RUBCN: variants seen among roughly 807,000 people sequenced by gnomAD.
The protein encoded by RUBCN is rubicon autophagy regulator, also known as run domain Beclin-1-interacting and cysteine-rich domain-containing protein.
In RUBCN, 74 loss-of-function variants were observed where a neutral mutation model predicts 113.2. That is an observed-to-expected ratio of 0.65 (90% CI 0.54 to 0.79). RUBCN has a LOEUF of 0.79. Among genes scored for constraint, RUBCN ranks in the 30% least tolerant of loss-of-function variants. The pLI is 0.00. For synonymous variants in RUBCN, 480 were observed against 490.0 expected, an observed-to-expected ratio of 0.98 and a Z score of 0.27; for missense variants, 1,109 against 1,251.7, an observed-to-expected ratio of 0.89 and a Z score of 1.72.
intron 1 of RUBCN, among the ~76,000 whole-genome samples, chr3:197,732,647 A>G (rs2109004704): frequency 6.6e-6 from 1 of 152,280 alleles, no homozygotes; most frequent in Non-Finnish European, 1.5e-5. Flanking sequence ...CCTCAAAATA[A>G]CTGGCATTTA....
upstream of RUBCN, among the ~76,000 whole-genome samples, chr3:197,738,387 A>G (rs932630958): frequency 6.6e-6 from 1 of 152,262 alleles, no homozygotes. Context: ...TTAAAATAAT[A>G]TATGGCTTTT....
chr3:197,700,121 G>A (rs1723475829), intron 7 of RUBCN, among the ~76,000 whole-genome samples: 1 of 152,112 alleles, frequency 6.6e-6, no homozygotes, highest in Admixed American at 6.5e-5. Flanking sequence ...TGATGCGGCC[G>A]TCAGCCCCAC....
intron 1 of RUBCN, among the ~76,000 whole-genome samples, chr3:197,730,962 G>A (rs1727379051): frequency 7.5e-6 from 1 of 134,050 alleles, no homozygotes; most frequent in African/African-American, 2.9e-5. Flanking sequence ...TCTGCTCAGT[G>A]CGGGCATTAT....
rs1560386923 is a variant in RUBCN at position 197,671,633 on chromosome 3, A to T, written c.*3385T>A. 1 of 152,142 alleles carries T rather than the reference A, an allele frequency of 6.6e-6. No homozygotes were observed. The highest frequency in any genetic ancestry group is 6.5e-5 in the Admixed American group (1 of 15,270). 9.4% of individuals were successfully genotyped at this position (152,142 alleles called of 1,614,324 possible). ...AGATGACAAGGGGACATTTAAGGGG[A>T]AATGTTGAGAGAGTTGCAGCGTAGA... On this transcript the variant is annotated 3_prime_UTR_variant, in exon 20 of 20. Transcript: ENST00000296343.
rs143707421 is a variant in RUBCN at position 197,695,810 on chromosome 3, C to T, written c.1473+56G>A. On this transcript the variant is annotated intron_variant, in intron 9 of 19. Transcript: ENST00000296343. The stretch of plus-strand genomic sequence containing the variant: ...TCATCAGAACAAATGGCACCACAGA[C>T]CTTCAGACCCAATCTCCCAACTCAT... 8,973 of 1,484,252 alleles carry T rather than the reference C, an allele frequency of 6.0e-3. 60 individuals carry two copies. Among genetic ancestry groups the T allele is most frequent in the South Asian group, 0.019 (1,663 of 88,510 alleles). 91.9% of individuals were successfully genotyped at this position (1,484,252 alleles called of 1,614,324 possible).
chr3:197,702,423 G>C (rs1318097820), intron 5 of RUBCN, among the ~76,000 whole-genome samples: 1 of 152,206 alleles, frequency 6.6e-6, no homozygotes, highest in African/African-American at 2.4e-5. Flanking sequence ...AGCACTTTGG[G>C]AGGCCAAGGC....
Position 197,681,676 on chromosome 3 carries a change from C to T in RUBCN, c.2191+159G>A, listed in dbSNP as rs1311483482. Among the ~76,000 whole-genome samples the T allele has an allele frequency of 6.6e-6, 1 of 152,196 alleles. No homozygotes were observed. The highest frequency in any genetic ancestry group is 2.4e-5 in the African/African-American group (1 of 41,444). On this transcript the variant is annotated intron_variant, in intron 15 of 19. Transcript: ENST00000296343. This position sits in a 1 kb window ranked among gnomAD's most constrained non-coding sequence, Gnocchi z 5.5. ...TGTGCTCCCAGAAATCATTTCCCTCCGATTGCCAGCACTCTTGCCTACTAC... is the reference window on the plus strand; with the variant it reads ...TGTGCTCCCAGAAATCATTTCCCTCTGATTGCCAGCACTCTTGCCTACTAC...
chr3:197,671,096 C>T lies in RUBCN; in HGVS notation c.*3922G>A, dbSNP rs1719746451. Among the ~76,000 whole-genome samples the T allele has an allele frequency of 6.6e-6, 1 of 152,140 alleles. No individual in the cohort carries two copies. The highest frequency in any genetic ancestry group is 1.5e-5 in the Non-Finnish European group (1 of 68,026). ...ATGGAGCAAGCTTGGCTCACTGCAG[C>T]CCTCGCCTTCCAGGTTCAAGTGATT... On this transcript the variant is annotated 3_prime_UTR_variant, in exon 20 of 20. Coordinates refer to ENST00000296343, the MANE Select transcript of RUBCN (RefSeq NM_014687.4).
Position 197,673,477 on chromosome 3 carries a change from C to G in RUBCN, c.*1541G>C, listed in dbSNP as rs997872012. ...CAGCAAGCAACTATGAGAAGACATG[C>G]CCATGGGCAGAATTCAATCCCAGAA... is the stretch of plus-strand genomic sequence containing the variant. On this transcript the variant is annotated 3_prime_UTR_variant, in exon 20 of 20. Transcript: ENST00000296343. 3.9e-5 allele frequency: 6 copies of G among 152,298 alleles called. No homozygotes were observed. The highest frequency in any genetic ancestry group is 9.6e-5 in the African/African-American group (4 of 41,462). 9.4% of individuals were successfully genotyped at this position (152,298 alleles called of 1,614,324 possible).
intron 1 of RUBCN, among the ~76,000 whole-genome samples, chr3:197,745,216 C>T (rs779572473): frequency 4.1e-4 from 61 of 148,550 alleles, no homozygotes; most frequent in Non-Finnish European, 7.0e-4. Context: ...ACCCGGGAGG[C>T]GGAGGTTGCA....
Position 197,736,763 on chromosome 3 carries a change from G to A in RUBCN, c.-44C>T. ...CTCTTCGCCCAAGAGAGGCGTCCCT[G>A]CCGCTTCGCCCTTCAGGGCTCCCGG... On this transcript the variant is annotated 5_prime_UTR_variant, in exon 1 of 20. Transcript: ENST00000296343. 6.6e-7 allele frequency: 1 copy of A among 1,524,134 alleles called. No homozygotes were observed. The highest frequency in any genetic ancestry group is 8.8e-7 in the Non-Finnish European group (1 of 1,142,544). The allele number at this position is 1,524,134 out of a possible 1,614,324, so 94.4% of individuals were successfully genotyped here.
At chr3:197,714,774 G>T (rs1470443606) in intron 2 of RUBCN, among the ~76,000 whole-genome samples, 1 of 152,130 alleles carries the variant, frequency 6.6e-6, no homozygotes, top group South Asian at 2.1e-4. Context: ...ACATGAGCGA[G>T]AACACACAAT....
chr3:197,746,608 T>A (rs1728756298), intron 1 of RUBCN, among the ~76,000 whole-genome samples: 2 of 152,184 alleles, frequency 1.3e-5, no homozygotes, highest in African/African-American at 4.8e-5. Flanking sequence ...TAAAAAAAAA[T>A]CACTGTTTAT....
chr3:197,727,742 G>A (rs1353366717), intron 1 of RUBCN, among the ~76,000 whole-genome samples: 2 of 152,194 alleles, frequency 1.3e-5, no homozygotes, highest in Non-Finnish European at 2.9e-5. Flanking sequence ...TTGACGGAAT[G>A]GAAGAAACTG....
Position 197,681,488 on chromosome 3 carries a change from G to A in RUBCN, c.2192-121C>T, listed in dbSNP as rs1201514036. The A allele has an allele frequency of 2.6e-6, 2 of 762,632 alleles. No individual in the cohort carries two copies. Among genetic ancestry groups the A allele is most frequent in the Non-Finnish European group, 4.6e-6 (2 of 438,384 alleles). 47.2% of individuals were successfully genotyped at this position (762,632 alleles called of 1,614,324 possible). Reference sequence around the variant, plus strand: ...CAGCCAATGGCCTCCAGCAACCTCTGTCTGAGTTCCCCAAAGCTTGCAGAA... The same window carrying A: ...CAGCCAATGGCCTCCAGCAACCTCTATCTGAGTTCCCCAAAGCTTGCAGAA... On this transcript the variant is annotated intron_variant, in intron 15 of 19. Transcript: ENST00000296343. This position sits in a 1 kb window ranked among gnomAD's most constrained non-coding sequence, Gnocchi z 5.5.
intron 16 of RUBCN, among the ~76,000 whole-genome samples, chr3:197,679,346 C>T (rs1357427829): frequency 3.3e-5 from 5 of 150,764 alleles, no homozygotes; most frequent in East Asian, 4.0e-4. Context: ...GCCTGTCCTA[C>T]GCTCTGACTG....
chr3:197,720,379 C>A (rs1417268230), intron 1 of RUBCN, among the ~76,000 whole-genome samples: 1 of 151,970 alleles, frequency 6.6e-6, no homozygotes, highest in African/African-American at 2.4e-5. Context: ...GTATACACAC[C>A]CCATTATCTT....
chr3:197,700,549 C>T lies in RUBCN; in HGVS notation c.1261+64G>A, dbSNP rs754575925. On this transcript the variant is annotated intron_variant, in intron 7 of 19. Coordinates refer to ENST00000296343, the MANE Select transcript of RUBCN (RefSeq NM_014687.4). ...TCTGCCACCTGAAAAGTCCCCATAA[C>T]AAGCCCTCTCTTACTCTCAATTCAG... 5 of 1,540,962 alleles carry T rather than the reference C, an allele frequency of 3.2e-6. No individual in the cohort carries two copies. In the South Asian group the frequency reaches 5.6e-5, roughly 17 times the overall value.
rs371101612 is a variant in RUBCN at position 197,679,487 on chromosome 3, C to A, written c.2430+1642G>T. Among the ~76,000 whole-genome samples, 881 of 149,802 alleles carry A rather than the reference C, an allele frequency of 5.9e-3. 5 individuals are homozygous for A. Among genetic ancestry groups the A allele is most frequent in the South Asian group, 0.027 (126 of 4,590 alleles). On this transcript the variant is annotated intron_variant, in intron 16 of 19. Coordinates refer to ENST00000296343, the MANE Select transcript of RUBCN (RefSeq NM_014687.4). ...GGCTCCAGACTGTCCTACGCTCTGA[C>A]AACTGGCTCCAGACTGTCCTACGCT...
Sources: allele counts gnomAD v4.1 joint callset (sites outside exome capture counted in the v4.1 genomes callset), GRCh38; gene constraint gnomAD v4.1.1; non-coding constraint Gnocchi (gnomAD v3.1); transcripts MANE v1.5; gene names NCBI Gene and HGNC (gene_info 2026-07-23, HGNC 2026-07-21).